FANCC: variants seen among roughly 807,000 people sequenced by gnomAD.
FANCC encodes FA complementation group C, also known as Fanconi anemia group C protein.
A neutral mutation model predicts 71.3 loss-of-function variants in FANCC; 55 were observed. The observed-to-expected ratio is 0.77, with a 90% CI of 0.62 to 0.97. FANCC has a LOEUF of 0.97. Among genes scored for constraint, FANCC ranks in the 50% least tolerant of loss-of-function variants. The pLI, the probability that FANCC is intolerant of heterozygous loss-of-function variation, is 0.00. For missense variants in FANCC, 678 were observed against 670.9 expected, an observed-to-expected ratio of 1.01 and a Z score of -0.12; for synonymous variants, 275 against 244.9, an observed-to-expected ratio of 1.12 and a Z score of -1.15.
intron 4 of FANCC, among the ~76,000 whole-genome samples, chr9:95,212,476 G>GA (rs1287817905): frequency 6.6e-6 from 1 of 151,976 alleles, no homozygotes; most frequent in Non-Finnish European, 1.5e-5. Context: ...AAATAGCAAA[G>GA]AAAAAAACCT....
intron 1 of FANCC, among the ~76,000 whole-genome samples, chr9:95,302,686 C>T (rs1243834267): frequency 3.3e-5 from 5 of 152,130 alleles, no homozygotes; most frequent in South Asian, 2.1e-4. Context: ...CTACCTCTTC[C>T]GGGAGAGCAC....
Position 95,101,633 on chromosome 9 carries a change from C to G in FANCC, c.*74G>C. 4.4e-6 allele frequency: 7 copies of G among 1,593,118 alleles called. No individual in the cohort carries two copies. Among genetic ancestry groups the G allele is most frequent in the Non-Finnish European group, 6.0e-6 (7 of 1,168,064 alleles). On this transcript the variant is annotated 3_prime_UTR_variant, in exon 15 of 15. Transcript: ENST00000289081. The stretch of plus-strand genomic sequence containing the variant: ...CACTTACTCCACAAATGCGTGGCCA[C>G]AGGTCATCACCTGTCCTGTGGCCCT...
intron 6 of FANCC, among the ~76,000 whole-genome samples, chr9:95,165,784 T>G (rs1235289094): frequency 6.6e-6 from 1 of 152,086 alleles, no homozygotes; most frequent in African/African-American, 2.4e-5. Context: ...TCTATATGCC[T>G]ATTAGGTCCA....
intron 4 of FANCC, among the ~76,000 whole-genome samples, chr9:95,195,009 C>A (rs1827341652): frequency 6.6e-6 from 1 of 151,860 alleles, no homozygotes; most frequent in Non-Finnish European, 1.5e-5. Flanking sequence ...ACCAGCCTGG[C>A]CAACATGGTG....
chr9:95,257,618 G>A (rs932912551), intron 1 of FANCC, among the ~76,000 whole-genome samples: 4 of 152,128 alleles, frequency 2.6e-5, no homozygotes, highest in African/African-American at 9.7e-5. Flanking sequence ...ACAATTAAAA[G>A]AACTAGAGAA....
intron 4 of FANCC, among the ~76,000 whole-genome samples, chr9:95,191,796 G>A (rs902546594): frequency 6.6e-6 from 1 of 151,882 alleles, no homozygotes; most frequent in Non-Finnish European, 1.5e-5. Context: ...CCATCTGCAA[G>A]TCCTGCCAAT....
At chr9:95,161,643 T>TA (rs1588204299) in intron 6 of FANCC, among the ~76,000 whole-genome samples, 1 of 152,180 alleles carries the variant, frequency 6.6e-6, no homozygotes, top group Non-Finnish European at 1.5e-5. Context: ...AAAAACACAT[T>TA]AACATACAAT....
At chr9:95,171,015 CCT>C (rs1825643373) in intron 6 of FANCC, 62 bp downstream of exon 6, 1 of 1,247,396 alleles carries the variant, frequency 8.0e-7, no homozygotes, top group African/African-American at 1.5e-5. Context: ...GTAAAATTTT[CCT>C]CTCATAACCA....
chr9:95,180,543 C>T (rs1826282767), intron 4 of FANCC, among the ~76,000 whole-genome samples: 1 of 151,614 alleles, frequency 6.6e-6, no homozygotes, highest in African/African-American at 2.4e-5. Context: ...CTCAGTATGT[C>T]ACTCAGGCTG....
chr9:95,149,501 T>C (rs971740892), intron 7 of FANCC, among the ~76,000 whole-genome samples: 7 of 151,706 alleles, frequency 4.6e-5, no homozygotes, highest in Non-Finnish European at 8.8e-5. Context: ...TTTTTTGAGA[T>C]GGAGTCTCGC....
intron 4 of FANCC, among the ~76,000 whole-genome samples, chr9:95,208,094 T>C (rs1828254020): frequency 7.7e-6 from 1 of 130,692 alleles, no homozygotes. Context: ...TTTTTTTTTT[T>C]TTTTTTTTTT....
At chr9:95,277,967 T>C (rs898468825) in intron 1 of FANCC, among the ~76,000 whole-genome samples, 1 of 152,216 alleles carries the variant, frequency 6.6e-6, no homozygotes, top group Non-Finnish European at 1.5e-5. Context: ...AATTATGTAA[T>C]TATAAATGCA....
intron 4 of FANCC, among the ~76,000 whole-genome samples, chr9:95,195,145 C>A (rs1195639426): frequency 2.9e-5 from 4 of 139,390 alleles, no homozygotes; most frequent in Non-Finnish European, 4.5e-5. Flanking sequence ...TTGCAGTGAG[C>A]CAAGATGGCG....
At chr9:95,148,783 G>C (rs1036249784) in intron 7 of FANCC, among the ~76,000 whole-genome samples, 1 of 152,218 alleles carries the variant, frequency 6.6e-6, no homozygotes, top group African/African-American at 2.4e-5. Context: ...ATGTAACAGA[G>C]TATGGAAAGT....
intron 6 of FANCC, among the ~76,000 whole-genome samples, chr9:95,169,163 T>C (rs994142172): frequency 6.6e-6 from 1 of 152,174 alleles, no homozygotes; most frequent in Non-Finnish European, 1.5e-5. Flanking sequence ...AAAAAAATCA[T>C]ATGCTGAGGT....
intron 1 of FANCC, among the ~76,000 whole-genome samples, chr9:95,307,966 A>G (rs1835161114): frequency 6.6e-6 from 1 of 152,262 alleles, no homozygotes; most frequent in South Asian, 2.1e-4. Context: ...GGCATCACAC[A>G]GCGACAGAGC....
At chr9:95,103,837 G>A (rs938532214) in intron 14 of FANCC, among the ~76,000 whole-genome samples, 1 of 152,228 alleles carries the variant, frequency 6.6e-6, no homozygotes, top group Non-Finnish European at 1.5e-5. Context: ...GGACCAGTGC[G>A]TCCTTTAGGT....
At chr9:95,208,319 A>C (rs1588283397) in intron 4 of FANCC, among the ~76,000 whole-genome samples, 1 of 147,958 alleles carries the variant, frequency 6.8e-6, no homozygotes, top group Non-Finnish European at 1.5e-5. Flanking sequence ...CTGGTCTTGA[A>C]CTCCTGACCT....
At chr9:95,135,782 G>A (rs1232932597) in intron 7 of FANCC, among the ~76,000 whole-genome samples, 1 of 152,202 alleles carries the variant, frequency 6.6e-6, no homozygotes, top group Non-Finnish European at 1.5e-5. Context: ...ATGGAAGAAA[G>A]AGGGAGCGAT....
Sources: allele counts gnomAD v4.1 joint callset (sites outside exome capture counted in the v4.1 genomes callset), GRCh38; gene constraint gnomAD v4.1.1; transcripts MANE v1.5; gene names NCBI Gene and HGNC (gene_info 2026-07-23, HGNC 2026-07-21).